GTF2F2: variants seen among roughly 807,000 people sequenced by gnomAD.
GTF2F2 encodes the protein general transcription factor IIF subunit 2, also known as ATP-dependent helicase GTF2F2.
In GTF2F2, 23 loss-of-function variants were observed where a neutral mutation model predicts 42.2. The observed-to-expected ratio is 0.55, with a 90% CI of 0.39 to 0.77. The LOEUF (loss-of-function observed/expected upper bound fraction) is 0.77. Ranked by LOEUF, GTF2F2 falls within the 30% of genes least tolerant of loss-of-function variation. The pLI, the probability that GTF2F2 is intolerant of heterozygous loss-of-function variation, is 0.00. For missense variants in GTF2F2, 261 were observed against 287.2 expected, an observed-to-expected ratio of 0.91 and a Z score of 0.66; for synonymous variants, 105 against 100.8, an observed-to-expected ratio of 1.04 and a Z score of -0.25.
At chr13:45,197,995 A>G (rs1327767741) in intron 4 of GTF2F2, among the ~76,000 whole-genome samples, 1 of 152,250 alleles carries the variant, frequency 6.6e-6, no homozygotes, top group Middle Eastern at 3.2e-3. Context: ...AAAAATTTGA[A>G]AGATTGGGGT....
intron 4 of GTF2F2, among the ~76,000 whole-genome samples, chr13:45,184,287 G>A (rs1180911541): frequency 6.6e-6 from 1 of 152,034 alleles, no homozygotes; most frequent in African/African-American, 2.4e-5. Context: ...TCCCTTGTTG[G>A]GGAACTGTTA....
chr13:45,216,271 A>G (rs1432592362), intron 5 of GTF2F2, among the ~76,000 whole-genome samples: 2 of 152,124 alleles, frequency 1.3e-5, no homozygotes, highest in African/African-American at 4.8e-5. Flanking sequence ...AAGGTTATAC[A>G]TATATATGTA....
chr13:45,234,488 G>A (rs963857018), intron 5 of GTF2F2, among the ~76,000 whole-genome samples: 2 of 152,066 alleles, frequency 1.3e-5, no homozygotes, highest in Non-Finnish European at 2.9e-5. Context: ...CTGTTTGAAT[G>A]GAATCAGATA....
At chr13:45,128,990 C>T (rs573760998) in intron 1 of GTF2F2, among the ~76,000 whole-genome samples, 1 of 152,270 alleles carries the variant, frequency 6.6e-6, no homozygotes, top group Non-Finnish European at 1.5e-5. Context: ...TAGTTACTTT[C>T]CCTTGAAGTG....
At chr13:45,272,804 C>CCA in intron 7 of GTF2F2, among the ~76,000 whole-genome samples, 1 of 150,146 alleles carries the variant, frequency 6.7e-6, no homozygotes, top group East Asian at 2.0e-4. Flanking sequence ...GCTCAAAGCT[C>CCA]CATAGCTCAT....
At chr13:45,267,532 TG>T (rs1257687324) in intron 7 of GTF2F2, among the ~76,000 whole-genome samples, 156 bp downstream of exon 7, 3 of 152,252 alleles carry the variant, frequency 2.0e-5, no homozygotes, top group African/African-American at 2.4e-5. Context: ...CAGCCATTTT[TG>T]GTAACATCAG....
chr13:45,139,323 T>C (rs1869794301), intron 2 of GTF2F2, among the ~76,000 whole-genome samples: 1 of 152,164 alleles, frequency 6.6e-6, no homozygotes, highest in African/African-American at 2.4e-5. Context: ...CAACTGAAAA[T>C]AAGTAAAAAT....
chr13:45,223,262 T>TAAAAAAAAA (rs60690884), intron 5 of GTF2F2, among the ~76,000 whole-genome samples: 2 of 96,318 alleles, frequency 2.1e-5, no homozygotes, highest in African/African-American at 7.0e-5. Flanking sequence ...CTTGTCTCAA[T>TAAAAAAAAA]AAAAAAAAAA....
intron 4 of GTF2F2, among the ~76,000 whole-genome samples, chr13:45,199,268 T>C (rs1450766260): frequency 1.3e-5 from 2 of 152,166 alleles, no homozygotes; most frequent in Non-Finnish European, 2.9e-5. Flanking sequence ...TTAGCTTCAT[T>C]TGAGGAGTAT....
intron 5 of GTF2F2, among the ~76,000 whole-genome samples, chr13:45,212,446 T>TTC (rs1566137016): frequency 2.8e-5 from 1 of 36,208 alleles, no homozygotes; most frequent in East Asian, 8.5e-4. Flanking sequence ...CTTTCTTTCT[T>TTC]GTTTCTTTCT....
At chr13:45,255,924 A>T (rs371932192) in intron 6 of GTF2F2, among the ~76,000 whole-genome samples, 3 of 152,204 alleles carry the variant, frequency 2.0e-5, no homozygotes, top group Non-Finnish European at 4.4e-5. Context: ...CAAATGCACT[A>T]TAAAAGGATA....
At chr13:45,127,984 C>T (rs1487586599) in intron 1 of GTF2F2, among the ~76,000 whole-genome samples, 1 of 93,298 alleles carries the variant, frequency 1.1e-5, no homozygotes, top group Non-Finnish European at 1.9e-5. Context: ...TTTTTTGAGA[C>T]GGGTCTTGCT....
At chr13:45,245,666 AAT>A (rs372488927) in intron 5 of GTF2F2, among the ~76,000 whole-genome samples, 8,589 of 110,432 alleles carry the variant, frequency 0.078, 322 homozygotes, top group East Asian at 0.18. Context: ...CCATGGTGTG[AAT>A]ATATATATAT....
intron 7 of GTF2F2, among the ~76,000 whole-genome samples, chr13:45,280,330 G>C (rs1330746436): frequency 6.6e-6 from 1 of 152,212 alleles, no homozygotes; most frequent in Non-Finnish European, 1.5e-5. Flanking sequence ...AAGGACATGT[G>C]CTCTTTCTGT....
chr13:45,198,381 G>A (rs1390448834), intron 4 of GTF2F2, among the ~76,000 whole-genome samples: 2 of 152,208 alleles, frequency 1.3e-5, no homozygotes. Flanking sequence ...CTTACCAGGA[G>A]GTTATCCCTC....
intron 1 of GTF2F2, among the ~76,000 whole-genome samples, chr13:45,131,492 G>T (rs900919007): frequency 1.3e-5 from 2 of 152,198 alleles, no homozygotes; most frequent in African/African-American, 4.8e-5. Flanking sequence ...ATAACCCTGT[G>T]ATCAGTTTCA....
chr13:45,154,715 G>C (rs1047762956), intron 4 of GTF2F2, among the ~76,000 whole-genome samples: 13 of 152,048 alleles, frequency 8.5e-5, no homozygotes, highest in African/African-American at 3.1e-4. Flanking sequence ...TAAACACTTA[G>C]AACAATGCTC....
chr13:45,271,739 A>G (rs1876804044), intron 7 of GTF2F2, among the ~76,000 whole-genome samples: 1 of 151,974 alleles, frequency 6.6e-6, no homozygotes, highest in Non-Finnish European at 1.5e-5. Flanking sequence ...TTTAGTAGAG[A>G]TGGGGTTTTG....
At chr13:45,209,934 G>C (rs1873564854) in intron 5 of GTF2F2, among the ~76,000 whole-genome samples, 1 of 152,064 alleles carries the variant, frequency 6.6e-6, no homozygotes, top group African/African-American at 2.4e-5. Context: ...GAAGAATCTT[G>C]TTGACTGTTC....
Sources: gnomAD v4.1 joint callset for allele counts (sites outside exome capture counted in the v4.1 genomes callset) on GRCh38, gnomAD v4.1.1 for gene constraint, MANE v1.5 for transcripts, NCBI Gene and HGNC (gene_info 2026-07-23, HGNC 2026-07-21) for gene names.